The following BCL6 variants were observed in gnomAD, a reference collection of about 807,000 sequenced individuals.
BCL6 encodes B-cell lymphoma 6 protein.
Under a neutral mutation model 59.5 loss-of-function variants are expected in BCL6, and 7 were observed. The ratio of observed to expected loss-of-function variants is 0.12; its 90% CI spans 0.07 to 0.22. The LOEUF (loss-of-function observed/expected upper bound fraction) is 0.22. Among genes scored for constraint, BCL6 ranks in the 10% least tolerant of loss-of-function variants. BCL6 has a pLI of 1.00. For synonymous variants in BCL6, 339 were observed against 349.7 expected, an observed-to-expected ratio of 0.97 and a Z score of 0.34; for missense variants, 685 against 939.4, an observed-to-expected ratio of 0.73 and a Z score of 3.54.
rs1718609636 is a variant in BCL6 at position 187,725,106 on chromosome 3, C to T, written c.1840-28G>A. 6.2e-7 allele frequency: 1 copy of T among 1,612,884 alleles called. No homozygotes were observed. Among genetic ancestry groups the T allele is most frequent in the Non-Finnish European group, 8.5e-7 (1 of 1,179,862 alleles). The stretch of plus-strand genomic sequence containing the variant: ...GAACGAAGAAGAAGGCATGAGAGGT[C>T]TTCTGGGGTGGGCTGCAGGCCTCTG... On this transcript the variant is annotated intron_variant, in intron 8 of 9. Transcript: ENST00000406870. The surrounding 1 kb of genome is among the most constrained non-coding windows in gnomAD (Gnocchi z 4.7).
At chr3:187,738,938 A>G (rs1025542879) in intron 1 of BCL6, among the ~76,000 whole-genome samples, 7 of 152,212 alleles carry the variant, frequency 4.6e-5, no homozygotes, top group African/African-American at 1.7e-4. Flanking sequence ...ATTGGAAATT[A>G]GGAGTCCCGT....
chr3:187,744,700 G>A (rs1221874545), intron 1 of BCL6, among the ~76,000 whole-genome samples: 1 of 152,254 alleles, frequency 6.6e-6, no homozygotes, highest in South Asian at 2.1e-4. Flanking sequence ...GGGCGAGCGA[G>A]CGGGCAGCCT....
intron 3 of BCL6, among the ~76,000 whole-genome samples, 194 bp downstream of exon 3, chr3:187,733,339 T>C (rs1719136133): frequency 6.6e-6 from 1 of 151,982 alleles, no homozygotes; most frequent in African/African-American, 2.4e-5. Context: ...CTCTTTCTTT[T>C]CTAAAAGTGC....
intron 1 of BCL6, among the ~76,000 whole-genome samples, chr3:187,743,155 G>T (rs1429823391): frequency 6.6e-6 from 1 of 151,910 alleles, no homozygotes; most frequent in East Asian, 1.9e-4. Flanking sequence ...CCTTTCCCTG[G>T]TTCCCTCTCT....
rs538391218 is a variant in BCL6, at chr3:187,725,517, G to A, written c.1821C>T (p.Cys607=). Reference sequence around the variant, plus strand: ...TGCTCACCTGTACAAATCTGGCTCCGCAGGTTTCGCATTTGTAGGGCTTCT... The same window carrying A: ...TGCTCACCTGTACAAATCTGGCTCCACAGGTTTCGCATTTGTAGGGCTTCT... ...SGEKPYKCET[C]GARFVQVAHL... Residue 607 remains cysteine (C), a synonymous_variant, in exon 8 of 10, where the codon TGC becomes TGT. Coordinates refer to ENST00000406870, the MANE Select transcript of BCL6 (RefSeq NM_001706.5). This position sits in a 1 kb window ranked among gnomAD's most constrained non-coding sequence, Gnocchi z 4.7. 3.7e-5 allele frequency: 60 copies of A among 1,614,046 alleles called. No homozygotes were observed. Among genetic ancestry groups the A allele is most frequent in the Middle Eastern group, 3.3e-4 (2 of 6,038 alleles).
chr3:187,744,663 A>C (rs1711805681), intron 1 of BCL6, among the ~76,000 whole-genome samples: 1 of 152,184 alleles, frequency 6.6e-6, no homozygotes, highest in Non-Finnish European at 1.5e-5. Context: ...AATCTAAAAG[A>C]CCGAGGCCGA....
At chr3:187,726,143 C>G (rs1186806140) in intron 7 of BCL6, among the ~76,000 whole-genome samples, 3 of 152,094 alleles carry the variant, frequency 2.0e-5, no homozygotes, top group African/African-American at 7.2e-5. Flanking sequence ...TCTTTTAGAA[C>G]AAACAGATTT....
rs766041104 is a variant in BCL6, at chr3:187,725,065, C to A, written c.1853G>T (p.Arg618Leu). 6.2e-7 allele frequency: 1 copy of A among 1,614,078 alleles called. No homozygotes were observed. Among genetic ancestry groups the A allele is most frequent in the Non-Finnish European group, 8.5e-7 (1 of 1,180,014 alleles). ...ACCAGTGTGGATAAGCACATGGGCA[C>A]GGAGGTGGGCCACCTGAACGAAGAA... ...GARFVQVAHLRAHVLIHTGEK... is the reference protein window; with the variant it reads ...GARFVQVAHLLAHVLIHTGEK... The change falls in exon 9 of 10, where the codon CGT (arginine) becomes CTT (leucine). Residue 618 changes from arginine to leucine, a missense_variant. Arg to Leu is a moderately radical substitution (Grantham distance 102, BLOSUM62 -2). Transcript: ENST00000406870. This position sits in a 1 kb window ranked among gnomAD's most constrained non-coding sequence, Gnocchi z 4.7.
intron 9 of BCL6, among the ~76,000 whole-genome samples, chr3:187,723,476 C>T (rs973702102): frequency 2.0e-5 from 3 of 152,068 alleles, no homozygotes; most frequent in Non-Finnish European, 2.9e-5. Flanking sequence ...TTAGTTGTGA[C>T]AAATGTATGG....
intron 1 of BCL6, among the ~76,000 whole-genome samples, chr3:187,740,467 G>T (rs1230335620): frequency 6.6e-6 from 1 of 152,104 alleles, no homozygotes; most frequent in Admixed American, 6.5e-5. Flanking sequence ...CTCCAAGACT[G>T]CTGGGGAGCG....
At chr3:187,730,488 G>A (rs556525746) in intron 4 of BCL6, among the ~76,000 whole-genome samples, 10 of 152,334 alleles carry the variant, frequency 6.6e-5, no homozygotes, top group African/African-American at 1.9e-4. Flanking sequence ...GACACTTTTG[G>A]AGGATCATAC....
chr3:187,729,045 A>C lies in BCL6; in HGVS notation c.1355+5T>G. 1 of 1,518,858 alleles carries C rather than the reference A, an allele frequency of 6.6e-7. No individual in the cohort carries two copies. Among genetic ancestry groups the C allele is most frequent in the Non-Finnish European group, 8.8e-7 (1 of 1,135,662 alleles). 94.1% of individuals were successfully genotyped at this position (1,518,858 alleles called of 1,614,324 possible). The stretch of plus-strand genomic sequence containing the variant: ...ACCTCAGACCCAGACAGTCTCTGAA[A>C]TCACCTGTTAACGATGTTATTGAGC... On this transcript the variant is annotated splice_donor_5th_base_variant and intron_variant, in intron 5 of 9. Coordinates refer to ENST00000406870, the MANE Select transcript of BCL6 (RefSeq NM_001706.5). This position sits in a 1 kb window ranked among gnomAD's most constrained non-coding sequence, Gnocchi z 5.6.
Position 187,729,468 on chromosome 3 carries a change from C to A in BCL6, c.937G>T (p.Ala313Ser). The change falls in exon 5 of 10, where the codon GCC becomes TCC. Residue 313 changes from alanine to serine, a missense_variant. Ala to Ser is a moderately conservative substitution (Grantham distance 99). This residue lies in a region of BCL6 where 268 missense variants were observed against 263.8 expected (regional missense o/e 1.02). Transcript: ENST00000406870. The surrounding 1 kb of genome is among the most constrained non-coding windows in gnomAD (Gnocchi z 5.6). The stretch of plus-strand genomic sequence containing the variant: ...GCATTGGGGGGCTCGAAATGCAGGG[C>A]AATCTCATCTTCCGAGGAGGGTCTC... ...EERPSSEDEI[A>S]LHFEPPNAPL... The A allele has an allele frequency of 1.2e-6, 2 of 1,610,838 alleles. No homozygotes were observed. The highest frequency in any genetic ancestry group is 1.1e-5 in the South Asian group (1 of 90,798).
intron 1 of BCL6, among the ~76,000 whole-genome samples, chr3:187,745,136 T>G (rs544841681): frequency 4.6e-5 from 7 of 151,874 alleles, no homozygotes; most frequent in East Asian, 3.9e-4. Flanking sequence ...TAATAATAAA[T>G]ACATAACAAT....
At chr3:187,745,238 C>G (rs570850310) in intron 1 of BCL6, among the ~76,000 whole-genome samples, 172 bp downstream of exon 1, 2 of 151,808 alleles carry the variant, frequency 1.3e-5, no homozygotes, top group South Asian at 2.1e-4. Context: ...ACATTTATAT[C>G]AATAGATACA....
intron 9 of BCL6, among the ~76,000 whole-genome samples, chr3:187,722,804 CAA>C (rs573973357): frequency 5.3e-4 from 81 of 152,320 alleles, no homozygotes; most frequent in African/African-American, 1.9e-3. Context: ...CCTGCTTTCC[CAA>C]GTGTTGCTTC....
At chr3:187,730,903 T>C (rs1292841076) in intron 4 of BCL6, among the ~76,000 whole-genome samples, 1 of 152,236 alleles carries the variant, frequency 6.6e-6, no homozygotes, top group East Asian at 1.9e-4. Flanking sequence ...GTCCAAGGTA[T>C]GCTGTGTGGT....
chr3:187,735,291 G>A (rs1484351745), intron 1 of BCL6, among the ~76,000 whole-genome samples: 1 of 152,170 alleles, frequency 6.6e-6, no homozygotes, highest in Non-Finnish European at 1.5e-5. Context: ...TTCGTCCGTG[G>A]CCTAAAACCA....
intron 1 of BCL6, among the ~76,000 whole-genome samples, chr3:187,744,836 G>GA: frequency 6.6e-6 from 1 of 152,208 alleles, no homozygotes; most frequent in East Asian, 1.9e-4. Context: ...TTGCAAGCGA[G>GA]AAAAGAGGGA....
Sources: gnomAD v4.1 joint callset for allele counts (sites outside exome capture counted in the v4.1 genomes callset) on GRCh38, gnomAD v4.1.1 for gene constraint, gnomAD v4.1.1 regional missense constraint, Gnocchi (gnomAD v3.1) non-coding constraint, MANE v1.5 for transcripts, NCBI Gene and HGNC (gene_info 2026-07-23, HGNC 2026-07-21) for gene names.